Variants in ALCAM observed in about 807,000 individuals in gnomAD.
The protein encoded by ALCAM is activated leukocyte cell adhesion molecule.
ALCAM carries 30 observed loss-of-function variants against 70.9 expected under a neutral mutation model. The observed-to-expected ratio is 0.42, with a 90% confidence interval of 0.32 to 0.57. ALCAM has a LOEUF of 0.57. ALCAM is among the 20% of genes least tolerant of loss of function. The probability of loss-of-function intolerance (pLI) is 0.11; values close to 1 mark genes in which losing one functional copy is unlikely to be tolerated. For synonymous variants in ALCAM, 249 were observed against 242.5 expected (o/e 1.03, Z -0.25); for missense variants, 591 against 695.1 (o/e 0.85, Z 1.68).
At chr3:105,519,231 C>T (rs78947472) in intron 1 of ALCAM, among the ~76,000 whole-genome samples, 15,390 of 151,912 alleles carry the variant, frequency 0.1, 989 homozygotes, top group Middle Eastern at 0.15. Context: ...TTTTAACCTT[C>T]ATAAATATAT....
At chr3:105,464,128 AT>A (rs1373169793) in intron 1 of ALCAM, among the ~76,000 whole-genome samples, 4 of 151,352 alleles carry the variant, frequency 2.6e-5, no homozygotes, top group Non-Finnish European at 4.4e-5. Flanking sequence ...AGTCAAATGC[AT>A]TTTTTGTCTT....
Position 105,367,368 on chromosome 3 carries a change from G to T in ALCAM, c.-41G>T, listed in dbSNP as rs1448667412. ...GCCCGGGACGACGCCCCCTCCTGCG[G>T]CGTGGACTCCGTCAGTGGCCCACCA... On this transcript the variant is annotated 5_prime_UTR_variant, in exon 1 of 16. Coordinates refer to ENST00000306107, the MANE Select transcript of ALCAM (RefSeq NM_001627.4). The T allele has an allele frequency of 6.2e-7, 1 of 1,608,542 alleles. No individual in the cohort carries two copies. The highest frequency in any genetic ancestry group is 2.2e-5 in the East Asian group (1 of 44,802).
chr3:105,560,883 A>T (rs1940617135), intron 14 of ALCAM, among the ~76,000 whole-genome samples: 1 of 152,096 alleles, frequency 6.6e-6, no homozygotes, highest in South Asian at 2.1e-4. Flanking sequence ...CAGAGGTCTT[A>T]TTTCTTTGCA....
intron 1 of ALCAM, among the ~76,000 whole-genome samples, chr3:105,376,302 A>T (rs1275198989): frequency 6.6e-6 from 1 of 152,194 alleles, no homozygotes; most frequent in African/African-American, 2.4e-5. Flanking sequence ...ATTACCTAAA[A>T]TCCAGTAGCA....
intron 1 of ALCAM, among the ~76,000 whole-genome samples, chr3:105,384,918 T>C (rs1935612181): frequency 6.6e-6 from 1 of 151,556 alleles, no homozygotes; most frequent in African/African-American, 2.4e-5. Flanking sequence ...TAAACAAGAC[T>C]TTCTCTTTGT....
chr3:105,460,351 G>C (rs1242903448), intron 1 of ALCAM, among the ~76,000 whole-genome samples: 1 of 151,952 alleles, frequency 6.6e-6, no homozygotes, highest in Non-Finnish European at 1.5e-5. Flanking sequence ...TCAGGATATA[G>C]GTTGAAATGC....
At chr3:105,386,529 C>G (rs548381964) in intron 1 of ALCAM, among the ~76,000 whole-genome samples, 1 of 151,516 alleles carries the variant, frequency 6.6e-6, no homozygotes, top group African/African-American at 2.4e-5. Flanking sequence ...CCTTCCTATC[C>G]CTATTCCCCA....
intron 1 of ALCAM, among the ~76,000 whole-genome samples, chr3:105,431,819 C>A (rs1936938315): frequency 6.6e-6 from 1 of 152,106 alleles, no homozygotes; most frequent in Admixed American, 6.6e-5. Flanking sequence ...TTAACTATGT[C>A]ATATTTCAGA....
chr3:105,485,007 T>A (rs1938385310), intron 1 of ALCAM, among the ~76,000 whole-genome samples: 1 of 151,996 alleles, frequency 6.6e-6, no homozygotes, highest in Non-Finnish European at 1.5e-5. Flanking sequence ...TTCAGATAGG[T>A]TCCATAAATA....
intron 2 of ALCAM, among the ~76,000 whole-genome samples, chr3:105,522,230 T>G (rs1022890926): frequency 6.6e-6 from 1 of 152,122 alleles, no homozygotes; most frequent in Non-Finnish European, 1.5e-5. Context: ...TCAGCAAAAG[T>G]CTTCAGCAAT....
intron 1 of ALCAM, among the ~76,000 whole-genome samples, chr3:105,376,059 A>G (rs1205001402): frequency 2.6e-5 from 4 of 152,078 alleles, no homozygotes; most frequent in Non-Finnish European, 5.9e-5. Context: ...TAAATTATGG[A>G]AAGTTCAGTG....
In ALCAM at chr3:105,534,739, G is replaced by A. The variant is rs368171432; in HGVS notation, c.624G>A (p.Lys208=). The stretch of plus-strand genomic sequence containing the variant: ...CCATGACTTCCACCCTGGAGTACAA[G>A]ACAACCAAGGCTGACATACAAATGC... The part of the protein sequence containing the change: ...LYTMTSTLEY[K]TTKADIQMPF... Residue 208 remains lysine (K), a synonymous_variant, in exon 6 of 16, where the codon AAG becomes AAA. Transcript: ENST00000306107. The A allele has an allele frequency of 6.2e-7, 1 of 1,613,690 alleles. No homozygotes were observed. The highest frequency in any genetic ancestry group is 8.5e-7 in the Non-Finnish European group (1 of 1,179,802).
chr3:105,520,315 G>T, intron 2 of ALCAM, 148 bp downstream of exon 2: 1 of 564,258 alleles, frequency 1.8e-6, no homozygotes, highest in South Asian at 2.5e-5. Flanking sequence ...TGTGGAATAT[G>T]GCAAAAAAAT....
intron 1 of ALCAM, among the ~76,000 whole-genome samples, chr3:105,512,854 A>G (rs1480087923): frequency 6.6e-6 from 1 of 151,952 alleles, no homozygotes; most frequent in East Asian, 1.9e-4. Context: ...AATTAGAAGT[A>G]TAATAGTAGG....
At chr3:105,495,676 A>G (rs1342330358) in intron 1 of ALCAM, among the ~76,000 whole-genome samples, 1 of 152,228 alleles carries the variant, frequency 6.6e-6, no homozygotes, top group South Asian at 2.1e-4. Flanking sequence ...CACAGCACGC[A>G]CTCAGAATCC....
intron 7 of ALCAM, 110 bp downstream of exon 7, chr3:105,540,212 G>A (rs918069817): frequency 7.9e-6 from 9 of 1,145,604 alleles, no homozygotes; most frequent in African/African-American, 6.3e-5. Context: ...GACAAGAGAC[G>A]CCACCTATAA....
At chr3:105,404,717 A>T (rs1936178579) in intron 1 of ALCAM, among the ~76,000 whole-genome samples, 1 of 152,092 alleles carries the variant, frequency 6.6e-6, no homozygotes, top group Non-Finnish European at 1.5e-5. Context: ...TAGCACGATG[A>T]ATAGAATGGT....
Position 105,557,953 on chromosome 3 carries a change from T to A in ALCAM, c.1664+5368T>A, listed in dbSNP as rs1267612363. Among the ~76,000 whole-genome samples, 7 of 152,174 alleles carry A rather than the reference T, an allele frequency of 4.6e-5. No individual in the cohort carries two copies. The South Asian group carries it at 1.4e-3, about 31-fold the overall frequency. On this transcript the variant is annotated intron_variant, in intron 14 of 15. Coordinates refer to ENST00000306107, the MANE Select transcript of ALCAM (RefSeq NM_001627.4). ...CAACTATTTATTCTTCTCTATTTCC[T>A]TCTTCAATCAAGAAATTGCTCATAA...
chr3:105,524,302 G>A lies in ALCAM; in HGVS notation c.188G>A (p.Gly63Asp). ...TTTAATTTTTAGGAAAAGCCCGATG[G>A]CTCCCCAGTATTTATTGCCTTCAGA... is the stretch of plus-strand genomic sequence containing the variant. ...FGKWKYEKPD[G>D]SPVFIAFRSS... The change falls in exon 3 of 16, where the codon GGC (glycine) becomes GAC (aspartate). Residue 63 changes from glycine (G) to aspartate (D), a missense_variant. By Grantham distance (94) the Gly-to-Asp change is moderately conservative. Around this residue, in one of 2 missense-constraint regions of ALCAM, gnomAD observed 427 missense variants for 450.4 expected, o/e 0.95. Transcript: ENST00000306107. The A allele has an allele frequency of 1.2e-6, 2 of 1,613,176 alleles. No individual in the cohort carries two copies. Among genetic ancestry groups the A allele is most frequent in the South Asian group, 1.1e-5 (1 of 90,866 alleles).
Sources: allele counts gnomAD v4.1 joint callset (sites outside exome capture counted in the v4.1 genomes callset), GRCh38; gene constraint gnomAD v4.1.1; regional missense constraint gnomAD v4.1.1; transcripts MANE v1.5; gene names NCBI Gene and HGNC (gene_info 2026-07-23, HGNC 2026-07-21).